FYB1: variants seen among roughly 807,000 people sequenced by gnomAD.
FYB1 encodes FYN binding protein 1.
A neutral mutation model predicts 94.1 loss-of-function variants in FYB1; 41 were observed. The ratio of observed to expected loss-of-function variants is 0.44; its 90% CI spans 0.34 to 0.57. The LOEUF (loss-of-function observed/expected upper bound fraction) is 0.57. FYB1 is among the 20% of genes least tolerant of loss of function. The pLI is 0.02. For synonymous variants in FYB1, 367 were observed against 353.2 expected, an observed-to-expected ratio of 1.04 and a Z score of -0.44; for missense variants, 1,050 against 976.8, an observed-to-expected ratio of 1.07 and a Z score of -1.00.
chr5:39,129,185 G>A (rs1203290214), intron 10 of FYB1, among the ~76,000 whole-genome samples: 1 of 151,828 alleles, frequency 6.6e-6, no homozygotes, highest in Non-Finnish European at 1.5e-5. Flanking sequence ...TTTAGAAAAA[G>A]GCACCAAGAA....
At chr5:39,261,330 A>G (rs967607784) in intron 1 of FYB1, among the ~76,000 whole-genome samples, 2 of 120,288 alleles carry the variant, frequency 1.7e-5, no homozygotes, top group Non-Finnish European at 3.4e-5. Context: ...GAACGTGTGT[A>G]GATTAAGACA....
At chr5:39,248,794 G>T (rs745387583) in intron 1 of FYB1, among the ~76,000 whole-genome samples, 7 of 152,080 alleles carry the variant, frequency 4.6e-5, no homozygotes, top group Non-Finnish European at 8.8e-5. Context: ...CCGAGATCAT[G>T]CCACTGAACT....
chr5:39,192,037 C>T (rs1358122152), intron 2 of FYB1, among the ~76,000 whole-genome samples: 1 of 152,148 alleles, frequency 6.6e-6, no homozygotes, highest in Admixed American at 6.5e-5. Flanking sequence ...ATGGCAAAAG[C>T]GTATTTATCA....
intron 3 of FYB1, among the ~76,000 whole-genome samples, chr5:39,141,968 C>T (rs1300287604): frequency 1.3e-5 from 2 of 152,178 alleles, no homozygotes; most frequent in Non-Finnish European, 1.5e-5. Context: ...ACCCTGAACT[C>T]CAAGGTGCTT....
chr5:39,248,318 A>G (rs1354131149), intron 1 of FYB1, among the ~76,000 whole-genome samples: 2 of 152,072 alleles, frequency 1.3e-5, no homozygotes, highest in Non-Finnish European at 2.9e-5. Context: ...GAGTGGAAAA[A>G]GTTTTCCTGG....
At position 39,236,898 on chromosome 5, in the gene FYB1, C is replaced by T. The variant is rs1430776643; in HGVS notation, c.-27-33911G>A. Among the ~76,000 whole-genome samples the T allele has an allele frequency of 2.6e-5, 4 of 152,124 alleles. No homozygotes were observed. The South Asian group carries it at 6.2e-4, about 24-fold the overall frequency. Reference sequence around the variant, plus strand: ...GGTTGCTATGAAGACTGGCACAAGGCCTAACACGTAGCAGGTACTTAAGAC... The same window carrying T: ...GGTTGCTATGAAGACTGGCACAAGGTCTAACACGTAGCAGGTACTTAAGAC... On this transcript the variant is annotated intron_variant, in intron 1 of 1. Transcript: ENST00000510188.
chr5:39,137,696 C>A lies in FYB1; in HGVS notation c.1419G>T (p.Lys473Asn), dbSNP rs1242809184. The change falls in exon 7 of 19, where the codon AAG becomes AAT. Residue 473 changes from lysine (K) to asparagine (N), a missense_variant. Transcript: ENST00000512982. ...TCTTCTTTTCTTCCTTTTCCCTTTT[C>A]TTCTCTCTTTCTTTGGATGCTTCTC... ...EDIEASKERE[K>N]KREKEEKKRL... is the part of the protein sequence containing the mutation. 1.3e-6 allele frequency: 2 copies of A among 1,548,554 alleles called. No individual in the cohort carries two copies. The highest frequency in any genetic ancestry group is 1.7e-6 in the Non-Finnish European group (2 of 1,144,824).
At chr5:39,133,379 G>A (rs545824279) in intron 9 of FYB1, among the ~76,000 whole-genome samples, 28 of 152,200 alleles carry the variant, frequency 1.8e-4, no homozygotes, top group Non-Finnish European at 3.7e-4. Flanking sequence ...CAACTTGAGG[G>A]GATTATGGCT....
intron 1 of FYB1, chr5:39,250,920 C>A (rs1402617417): frequency 1.3e-5 from 2 of 152,168 alleles, no homozygotes; most frequent in African/African-American, 4.8e-5. Context: ...ATGTTTTACC[C>A]TGAAGTCACC....
At chr5:39,208,029 T>C (rs1446753245) in intron 1 of FYB1, among the ~76,000 whole-genome samples, 5 of 152,194 alleles carry the variant, frequency 3.3e-5, no homozygotes, top group Non-Finnish European at 2.9e-5. Context: ...TTTTAATTTT[T>C]TTTTACCATA....
chr5:39,149,330 C>G (rs1228233336), intron 3 of FYB1, among the ~76,000 whole-genome samples: 1 of 152,118 alleles, frequency 6.6e-6, no homozygotes, highest in Non-Finnish European at 1.5e-5. Flanking sequence ...CTTCCTTGAT[C>G]CCAATTAGAG....
In FYB1 at chr5:39,127,782, A is replaced by T; in HGVS notation, c.1866T>A (p.Asp622Glu). The change falls in exon 11 of 19, where the codon GAT (aspartate) becomes GAA (glutamate). Residue 622 changes from aspartate to glutamate, a missense_variant. Asp to Glu is a conservative substitution (Grantham distance 45). Transcript: ENST00000512982. ...SGGIFPPPPD[D>E]DIYDGIEEED... ...CCTCTTCAATCCCATCATAAATGTC[A>T]TCATCTGGTGGTGGAGGGAATATCC... The T allele has an allele frequency of 6.2e-7, 1 of 1,604,594 alleles. No homozygotes were observed. Among genetic ancestry groups the T allele is most frequent in the Non-Finnish European group, 8.5e-7 (1 of 1,175,138 alleles).
chr5:39,139,441 G>T, intron 4 of FYB1, 189 bp from the exon 5 acceptor site: 1 of 417,022 alleles, frequency 2.4e-6, no homozygotes, highest in Non-Finnish European at 3.9e-6. Flanking sequence ...TATTTGTGCT[G>T]GTGACTTAAT....
chr5:39,170,404 T>C, intron 2 of FYB1: 2 of 566,444 alleles, frequency 3.5e-6, no homozygotes, highest in South Asian at 5.0e-5. Flanking sequence ...CTTGTCGCCG[T>C]CCTGGGCCGG....
At chr5:39,270,645 A>G (rs539568642) in intron 1 of FYB1, 253 of 1,448,054 alleles carry the variant, frequency 1.7e-4, no homozygotes, top group Middle Eastern at 1.0e-3. Flanking sequence ...GTGAATGTGC[A>G]AGTTAGCTAT....
At chr5:39,124,914 T>TCC (rs1407342277) in intron 12 of FYB1, among the ~76,000 whole-genome samples, 2 of 94,476 alleles carry the variant, frequency 2.1e-5, no homozygotes, top group Non-Finnish European at 4.0e-5. Context: ...CTAAATACAC[T>TCC]CCACACACAC....
chr5:39,138,004 A>C (rs1741811508), intron 6 of FYB1: 1 of 401,164 alleles, frequency 2.5e-6, no homozygotes, highest in Admixed American at 4.4e-5. Flanking sequence ...GTATGTTCGC[A>C]TAAATAGAAT....
At chr5:39,125,696 G>A (rs950679519) in intron 12 of FYB1, among the ~76,000 whole-genome samples, 3 of 152,112 alleles carry the variant, frequency 2.0e-5, no homozygotes, top group African/African-American at 4.8e-5. Context: ...ATGACTGTGT[G>A]GATGAGCGTG....
Position 39,202,762 on chromosome 5 carries a change from T to C in FYB1, c.199A>G (p.Lys67Glu), listed in dbSNP as rs1389396439. ...TCAGGCTTTTCCTCAGAAGAAGGTT[T>C]GACTGCCACAGGTGGCTTTGGGGAC... ...FGSPKPPVAV[K>E]PSSEEKPDKE... is the part of the protein sequence containing the mutation. The change falls in exon 2 of 19, where the codon AAA becomes GAA. Residue 67 changes from lysine to glutamate, a missense_variant. Lys to Glu is a moderately conservative substitution (Grantham distance 56). Coordinates refer to ENST00000512982, the MANE Select transcript of FYB1 (RefSeq NM_001465.6). The C allele has an allele frequency of 6.2e-7, 1 of 1,613,974 alleles. No homozygotes were observed. The highest frequency in any genetic ancestry group is 2.2e-5 in the East Asian group (1 of 44,870).
Sources: gnomAD v4.1 joint callset for allele counts (sites outside exome capture counted in the v4.1 genomes callset) on GRCh38, gnomAD v4.1.1 for gene constraint, MANE v1.5 for transcripts, NCBI Gene and HGNC (gene_info 2026-07-23, HGNC 2026-07-21) for gene names.